The following LSAMP variants were observed in gnomAD, a reference collection of about 807,000 sequenced individuals.
LSAMP encodes the protein limbic system-associated membrane protein.
A neutral mutation model predicts 38.6 loss-of-function variants in LSAMP; 7 were observed. That is an observed-to-expected ratio of 0.18 (90% CI 0.10 to 0.34). The LOEUF (loss-of-function observed/expected upper bound fraction) is 0.34, where lower values mean the gene tolerates loss of function less well. Among genes scored for constraint, LSAMP ranks in the 10% least tolerant of loss-of-function variants. The pLI is 1.00. For missense variants in LSAMP, 313 were observed against 420.0 expected (o/e 0.75, Z 2.23); for synonymous variants, 154 against 166.8 (o/e 0.92, Z 0.59).
At chr3:115,872,166 A>T (rs1195288418) in intron 3 of LSAMP, among the ~76,000 whole-genome samples, 2 of 152,180 alleles carry the variant, frequency 1.3e-5, no homozygotes, top group East Asian at 3.8e-4. Context: ...AAAAGGACCC[A>T]CAAGAATGGG....
rs551822284 is a variant in LSAMP, at chr3:116,293,525, T to C, written c.155+151352A>G. On this transcript the variant is annotated intron_variant, in intron 1 of 6. Coordinates refer to ENST00000490035, the MANE Select transcript of LSAMP (RefSeq NM_002338.5). ...GTTCATAGAACAAAAAAATGGAGGATTGAATTTAGTCGCAGACAGTTCATA... is the reference window on the plus strand; with the variant it reads ...GTTCATAGAACAAAAAAATGGAGGACTGAATTTAGTCGCAGACAGTTCATA... Among the ~76,000 whole-genome samples, 224 of 152,186 alleles carry C rather than the reference T, an allele frequency of 1.5e-3. 1 individual carries two copies. The highest frequency in any genetic ancestry group is 5.3e-3 in the African/African-American group (219 of 41,532).
intron 3 of LSAMP, among the ~76,000 whole-genome samples, chr3:115,924,454 G>A (rs1160325614): frequency 3.3e-5 from 5 of 152,200 alleles, no homozygotes; most frequent in Non-Finnish European, 5.9e-5. Context: ...GGGTCACAGA[G>A]AGAATGTTTG....
intron 3 of LSAMP, among the ~76,000 whole-genome samples, chr3:115,928,493 A>G (rs758379189): frequency 3.9e-5 from 6 of 152,256 alleles, no homozygotes; most frequent in Non-Finnish European, 7.3e-5. Flanking sequence ...GCTAAAATGT[A>G]AATGTGAGAA....
chr3:116,081,753 A>T (rs967872530), intron 2 of LSAMP, among the ~76,000 whole-genome samples: 1 of 152,206 alleles, frequency 6.6e-6, no homozygotes, highest in African/African-American at 2.4e-5. Flanking sequence ...GATTTGAATC[A>T]CAGTGCTGAG....
intron 1 of LSAMP, among the ~76,000 whole-genome samples, chr3:116,433,291 C>T (rs2049306683): frequency 6.6e-6 from 1 of 151,554 alleles, no homozygotes; most frequent in South Asian, 2.1e-4. Context: ...TAAAGTACAA[C>T]TTTAGAAAGG....
chr3:116,072,018 C>T (rs1707618564), intron 2 of LSAMP, among the ~76,000 whole-genome samples: 1 of 149,174 alleles, frequency 6.7e-6, no homozygotes, highest in Non-Finnish European at 1.5e-5. Flanking sequence ...CTCTGTCACC[C>T]AGGCTGGAGT....
intron 1 of LSAMP, among the ~76,000 whole-genome samples, chr3:116,178,571 A>G (rs777759176): frequency 9.2e-5 from 14 of 152,198 alleles, no homozygotes; most frequent in Non-Finnish European, 1.9e-4. Flanking sequence ...AAGGCACAGT[A>G]TGAAATAGAG....
At chr3:116,430,785 G>A (rs936134697) in intron 1 of LSAMP, among the ~76,000 whole-genome samples, 2 of 151,878 alleles carry the variant, frequency 1.3e-5, no homozygotes, top group African/African-American at 4.8e-5. Context: ...CTTAGAGCTA[G>A]GTCTTCTGGC....
At chr3:115,922,341 C>A (rs1474146189) in intron 3 of LSAMP, among the ~76,000 whole-genome samples, 1 of 151,992 alleles carries the variant, frequency 6.6e-6, no homozygotes, top group East Asian at 1.9e-4. Context: ...CTTTCTTCTG[C>A]CTGGTCAAAT....
intron 2 of LSAMP, among the ~76,000 whole-genome samples, chr3:116,044,773 G>A (rs998423051): frequency 6.6e-6 from 1 of 152,168 alleles, no homozygotes; most frequent in African/African-American, 2.4e-5. Context: ...TGTACAGGAG[G>A]GTAATGTGAA....
At chr3:116,324,709 C>T (rs1420304014) in intron 1 of LSAMP, among the ~76,000 whole-genome samples, 2 of 152,132 alleles carry the variant, frequency 1.3e-5, no homozygotes, top group Admixed American at 6.6e-5. Context: ...AGCACTTTCT[C>T]ATGAGCTAAG....
At chr3:116,088,810 C>A (rs1216411798) in intron 1 of LSAMP, among the ~76,000 whole-genome samples, 1 of 152,114 alleles carries the variant, frequency 6.6e-6, no homozygotes, top group African/African-American at 2.4e-5. Flanking sequence ...CTAAATATGG[C>A]CTGTGAATCC....
At chr3:115,971,450 T>C (rs1346838631) in intron 3 of LSAMP, among the ~76,000 whole-genome samples, 5 of 152,332 alleles carry the variant, frequency 3.3e-5, no homozygotes, top group African/African-American at 9.6e-5. Context: ...TTCACAATAC[T>C]GAAGGACTCT....
chr3:115,882,754 T>C (rs1368668259), intron 3 of LSAMP, among the ~76,000 whole-genome samples: 1 of 152,046 alleles, frequency 6.6e-6, no homozygotes, highest in Non-Finnish European at 1.5e-5. Context: ...TTTTCTGGCA[T>C]CTTCTCTCCC....
intron 1 of LSAMP, among the ~76,000 whole-genome samples, chr3:116,163,192 A>G (rs1184672089): frequency 4.7e-5 from 7 of 149,080 alleles, no homozygotes; most frequent in Admixed American, 1.3e-4. Flanking sequence ...GTCATTTAGC[A>G]TTAGGTATAT....
At chr3:116,165,119 C>T (rs1056372400) in intron 1 of LSAMP, among the ~76,000 whole-genome samples, 1 of 152,206 alleles carries the variant, frequency 6.6e-6, no homozygotes. Context: ...GCAGACCGTG[C>T]TTCTAGGTTG....
intron 3 of LSAMP, among the ~76,000 whole-genome samples, chr3:116,012,069 T>C (rs112916517): frequency 1.2e-3 from 180 of 152,338 alleles, no homozygotes; most frequent in Non-Finnish European, 2.1e-3. Context: ...TTTGCCTGTA[T>C]AGATAAGCCA....
chr3:116,226,978 GA>G (rs1443262972), intron 1 of LSAMP, among the ~76,000 whole-genome samples: 1 of 151,988 alleles, frequency 6.6e-6, no homozygotes, highest in Non-Finnish European at 1.5e-5. Flanking sequence ...ATTTTATTCT[GA>G]TTTTGTCTGT....
intron 3 of LSAMP, among the ~76,000 whole-genome samples, chr3:115,954,403 A>C (rs1402360595): frequency 6.6e-6 from 1 of 152,214 alleles, no homozygotes; most frequent in Non-Finnish European, 1.5e-5. Flanking sequence ...ACTCCTCTAG[A>C]TAGACAGGTA....
Sources: gnomAD v4.1 joint callset for allele counts (sites outside exome capture counted in the v4.1 genomes callset) on GRCh38, gnomAD v4.1.1 for gene constraint, MANE v1.5 for transcripts, NCBI Gene and HGNC (gene_info 2026-07-23, HGNC 2026-07-21) for gene names.